PABPC4L: variants seen among roughly 807,000 people sequenced by gnomAD.
PABPC4L encodes polyadenylate-binding protein 4-like.
For synonymous variants in PABPC4L, 169 were observed against 164.1 expected (o/e 1.03, Z -0.23); for missense variants, 452 against 451.4 (o/e 1.00, Z -0.01).
intron 1 of PABPC4L, 90 bp from the exon 2 acceptor site, chr4:134,201,335 T>C: frequency 7.9e-7 from 1 of 1,263,570 alleles, no homozygotes; most frequent in Non-Finnish European, 1.0e-6. Context: ...TGGCCCTCCA[T>C]CTGAGCATTC....
chr4:134,119,527 A>G, the PABPC4L span, among the ~76,000 whole-genome samples: 1 of 151,738 alleles, frequency 6.6e-6, no homozygotes, highest in Non-Finnish European at 1.5e-5. Context: ...GGAGCATATA[A>G]AGTAAGTTAT....
the PABPC4L span, among the ~76,000 whole-genome samples, chr4:133,974,720 T>C: frequency 6.6e-6 from 1 of 152,122 alleles, no homozygotes; most frequent in East Asian, 1.9e-4. Context: ...AATTTTAACA[T>C]ACGTCTCTCC....
the PABPC4L span, among the ~76,000 whole-genome samples, chr4:134,131,692 T>C: frequency 1.0e-4 from 5 of 48,674 alleles, no homozygotes; most frequent in East Asian, 3.3e-3. Flanking sequence ...TAGAAAAAAC[T>C]ATCCTAAAAT....
the PABPC4L span, among the ~76,000 whole-genome samples, chr4:134,044,019 T>A: frequency 6.6e-6 from 1 of 151,852 alleles, no homozygotes; most frequent in African/African-American, 2.4e-5. Context: ...TTCTGTCACC[T>A]AGGCTGGAGT....
Position 134,200,820 on chromosome 4 carries a change from G to A in PABPC4L, c.200C>T (p.Ala67Val), listed in dbSNP as rs1442328481. 5.1e-6 allele frequency: 8 copies of A among 1,553,622 alleles called. No individual in the cohort carries two copies. Among genetic ancestry groups the A allele is most frequent in the South Asian group, 2.4e-5 (2 of 84,128 alleles). ...NFLQLADAQK[A>V]LDTMNFDIIK... ...GATGTCAAAGTTCATTGTGTCCAGC[G>A]CCTTCTGGGCATCAGCCAGCTGCAA... Residue 67 changes from alanine (A) to valine (V), a missense_variant, in exon 2 of 2, where the codon GCG becomes GTG. Transcript: ENST00000421491.
Position 134,200,809 on chromosome 4 carries a change from T to A in PABPC4L, c.211A>T (p.Met71Leu). 6.4e-7 allele frequency: 1 copy of A among 1,552,536 alleles called. No individual in the cohort carries two copies. Among genetic ancestry groups the A allele is most frequent in the Non-Finnish European group, 8.7e-7 (1 of 1,147,438 alleles). The change falls in exon 2 of 2, where the codon ATG becomes TTG. Residue 71 changes from methionine to leucine, a missense_variant. Met to Leu is a conservative substitution (Grantham distance 15). Coordinates refer to ENST00000421491, the MANE Select transcript of PABPC4L (RefSeq NM_001114734.2). ...TTGCCTTTTATGATGTCAAAGTTCA[T>A]TGTGTCCAGCGCCTTCTGGGCATCA... ...LADAQKALDT[M>L]NFDIIKGKSI...
the PABPC4L span, among the ~76,000 whole-genome samples, chr4:134,080,743 T>C: frequency 6.6e-6 from 1 of 152,168 alleles, no homozygotes; most frequent in African/African-American, 2.4e-5. Context: ...TGAAAAGTTA[T>C]GTTTCCCTTT....
the PABPC4L span, among the ~76,000 whole-genome samples, chr4:134,010,913 A>T: frequency 4.6e-5 from 7 of 152,180 alleles, no homozygotes; most frequent in Non-Finnish European, 8.8e-5. Flanking sequence ...TTAATAGTTG[A>T]CATAAGGGAA....
the PABPC4L span, among the ~76,000 whole-genome samples, chr4:134,078,651 CTT>C: frequency 0.017 from 2,008 of 115,868 alleles, 38 homozygotes; most frequent in African/African-American, 0.049. Flanking sequence ...AGTTTTGTAG[CTT>C]TTTTTTTTTT....
chr4:134,171,647 A>T, the PABPC4L span, among the ~76,000 whole-genome samples: 2 of 152,138 alleles, frequency 1.3e-5, no homozygotes, highest in Admixed American at 1.3e-4. Flanking sequence ...CCTATTCAAT[A>T]CAGTACTATA....
At chr4:134,103,409 A>T in the PABPC4L span, among the ~76,000 whole-genome samples, 1 of 151,604 alleles carries the variant, frequency 6.6e-6, no homozygotes, top group Non-Finnish European at 1.5e-5. Context: ...GTGTCTGTAG[A>T]TTTGGTTTCT....
At chr4:134,104,355 T>C in the PABPC4L span, among the ~76,000 whole-genome samples, 2 of 151,788 alleles carry the variant, frequency 1.3e-5, no homozygotes, top group African/African-American at 4.8e-5. Flanking sequence ...GGCAGTCATC[T>C]AGGTGTTCTT....
chr4:133,967,407 C>CA, the PABPC4L span, among the ~76,000 whole-genome samples: 3 of 152,018 alleles, frequency 2.0e-5, no homozygotes, highest in African/African-American at 4.8e-5. Flanking sequence ...GTATGGAACT[C>CA]AAAAAAGTGG....
the PABPC4L span, among the ~76,000 whole-genome samples, chr4:134,020,611 G>A: frequency 6.6e-6 from 1 of 151,944 alleles, no homozygotes; most frequent in Admixed American, 6.6e-5. Context: ...TGGTTTGAAT[G>A]TCTCTGACAC....
chr4:134,129,071 G>A, the PABPC4L span, among the ~76,000 whole-genome samples: 6 of 152,014 alleles, frequency 3.9e-5, no homozygotes, highest in East Asian at 3.9e-4. Context: ...AAGTTAAAAA[G>A]GACAAAACGG....
the PABPC4L span, among the ~76,000 whole-genome samples, chr4:134,096,127 C>A: frequency 6.6e-6 from 1 of 151,946 alleles, no homozygotes; most frequent in Non-Finnish European, 1.5e-5. Flanking sequence ...GTGTTCAATG[C>A]ATTTTAAATA....
the PABPC4L span, among the ~76,000 whole-genome samples, chr4:134,109,276 TG>T: frequency 9.2e-5 from 14 of 151,978 alleles, no homozygotes; most frequent in Non-Finnish European, 1.5e-4. Flanking sequence ...ATTTTTAAAA[TG>T]TGCTTTTTTC....
the PABPC4L span, among the ~76,000 whole-genome samples, chr4:134,017,968 C>T: frequency 2.6e-5 from 4 of 152,172 alleles, no homozygotes; most frequent in Non-Finnish European, 5.9e-5. Flanking sequence ...TATAAGAAGA[C>T]AGGAATGTCA....
chr4:134,093,155 A>C, the PABPC4L span, among the ~76,000 whole-genome samples: 2 of 150,746 alleles, frequency 1.3e-5, no homozygotes, highest in Admixed American at 6.6e-5. Flanking sequence ...CAGGATTTTT[A>C]TGTATCTTTT....
Sources: gnomAD v4.1 joint callset for allele counts (sites outside exome capture counted in the v4.1 genomes callset) on GRCh38, gnomAD v4.1.1 for gene constraint, MANE v1.5 for transcripts, NCBI Gene and HGNC (gene_info 2026-07-23, HGNC 2026-07-21) for gene names.